Variants in SRBD1 observed in about 807,000 individuals in gnomAD.
SRBD1 encodes the protein S1 RNA-binding domain-containing protein 1.
Under a neutral mutation model 115.3 loss-of-function variants are expected in SRBD1, and 88 were observed. The ratio of observed to expected loss-of-function variants is 0.76; its 90% CI spans 0.64 to 0.91. The LOEUF is 0.91. SRBD1 is among the 40% of genes least tolerant of loss of function. The pLI is 0.00. For missense variants in SRBD1, 1,385 were observed against 1,177.4 expected, an observed-to-expected ratio of 1.18 and a Z score of -2.58; for synonymous variants, 509 against 407.7, an observed-to-expected ratio of 1.25 and a Z score of -2.99.
intron 2 of SRBD1, among the ~76,000 whole-genome samples, chr2:45,602,345 C>A (rs1674121841): frequency 6.6e-6 from 1 of 152,192 alleles, no homozygotes; most frequent in Non-Finnish European, 1.5e-5. Flanking sequence ...CAAACACATA[C>A]ACACATTCAT....
At chr2:45,435,137 C>T (rs1376957174) in intron 16 of SRBD1, among the ~76,000 whole-genome samples, 1 of 151,944 alleles carries the variant, frequency 6.6e-6, no homozygotes, top group Non-Finnish European at 1.5e-5. Flanking sequence ...TATTCCATGG[C>T]GTATATGTGC....
chr2:45,603,554 G>C (rs981189168), intron 2 of SRBD1, among the ~76,000 whole-genome samples: 1 of 152,118 alleles, frequency 6.6e-6, no homozygotes, highest in Non-Finnish European at 1.5e-5. Flanking sequence ...TTTAGAGACA[G>C]AGTCTCCCTC....
chr2:45,530,915 A>G (rs1671591110), intron 14 of SRBD1, among the ~76,000 whole-genome samples: 1 of 152,028 alleles, frequency 6.6e-6, no homozygotes, highest in Non-Finnish European at 1.5e-5. Flanking sequence ...AGCCTGGGCA[A>G]CACAGTGAGA....
At chr2:45,500,668 G>A (rs1307722427) in intron 14 of SRBD1, among the ~76,000 whole-genome samples, 2 of 152,000 alleles carry the variant, frequency 1.3e-5, no homozygotes, top group Non-Finnish European at 1.5e-5. Flanking sequence ...CGCCCGTTTC[G>A]GCCTCCCAAA....
chr2:45,443,122 T>C (rs1668720665), intron 16 of SRBD1, among the ~76,000 whole-genome samples: 1 of 152,078 alleles, frequency 6.6e-6, no homozygotes, highest in Non-Finnish European at 1.5e-5. Flanking sequence ...GGAACAGAGA[T>C]GGGATCTGAC....
chr2:45,478,888 T>C (rs983275893), intron 15 of SRBD1, among the ~76,000 whole-genome samples: 2 of 152,202 alleles, frequency 1.3e-5, no homozygotes, highest in African/African-American at 4.8e-5. Context: ...TTCTTCCAAG[T>C]TGGAAATTTG....
At chr2:45,474,574 G>A (rs1431300061) in intron 16 of SRBD1, among the ~76,000 whole-genome samples, 2 of 152,184 alleles carry the variant, frequency 1.3e-5, no homozygotes, top group Non-Finnish European at 2.9e-5. Context: ...TACAGGCCTA[G>A]CTTTGCTATA....
intron 18 of SRBD1, among the ~76,000 whole-genome samples, 173 bp from the exon 19 acceptor site, chr2:45,413,466 G>C (rs1487723141): frequency 1.3e-5 from 2 of 152,162 alleles, no homozygotes; most frequent in African/African-American, 4.8e-5. Flanking sequence ...ACTGGGAAAA[G>C]GGCTTTCTGT....
Position 45,574,639 on chromosome 2 carries a change from A to T in SRBD1, c.1157T>A (p.Phe386Tyr). Residue 386 changes from phenylalanine to tyrosine, a missense_variant, in exon 8 of 21, where the codon TTC (phenylalanine) becomes TAC (tyrosine). Physicochemically the swap from Phe to Tyr is conservative, Grantham distance 22 (BLOSUM62 3). Transcript: ENST00000263736. Reference protein sequence around the residue: ...MIAKDKDTLDFIRNLCQKRHV... With the variant: ...MIAKDKDTLDYIRNLCQKRHV... ...AAGAGATACTCACAAGTTCCGAATGAAGTCAAGCGTGTCTTTGTCTTTAGC... is the reference window on the plus strand; with the variant it reads ...AAGAGATACTCACAAGTTCCGAATGTAGTCAAGCGTGTCTTTGTCTTTAGC... The T allele has an allele frequency of 6.2e-7, 1 of 1,613,252 alleles. No homozygotes were observed. Among genetic ancestry groups the T allele is most frequent in the Admixed American group, 1.7e-5 (1 of 59,816 alleles).
intron 4 of SRBD1, 113 bp from the exon 5 acceptor site, chr2:45,585,887 G>A (rs1361905620): frequency 8.8e-6 from 7 of 799,920 alleles, no homozygotes; most frequent in Non-Finnish European, 1.1e-5. Flanking sequence ...GAAACTACTT[G>A]CTATAGTTTT....
intron 10 of SRBD1, among the ~76,000 whole-genome samples, chr2:45,556,209 G>A (rs17322715): frequency 0.36 from 55,297 of 151,906 alleles, 11,073 homozygotes; most frequent in Non-Finnish European, 0.46. Flanking sequence ...TGTAACATTT[G>A]CCTGAAGGAA....
In SRBD1 at chr2:45,454,831, A is replaced by G. The variant is rs571802561; in HGVS notation, c.2049+22162T>C. Among the ~76,000 whole-genome samples, 8 of 152,032 alleles carry G rather than the reference A, an allele frequency of 5.3e-5. No homozygotes were observed. In the South Asian group the frequency reaches 1.4e-3, roughly 28 times the overall value. ...ATAAATTTTTAAAAAGCACATTCAT[A>G]TTTCTATCACAAAATCTTGTTTCTA... On this transcript the variant is annotated intron_variant, in intron 16 of 20. Transcript: ENST00000263736.
chr2:45,571,449 CAG>C (rs1673006980), intron 9 of SRBD1, among the ~76,000 whole-genome samples: 1 of 130,152 alleles, frequency 7.7e-6, no homozygotes, highest in Non-Finnish European at 1.5e-5. Context: ...CAACAACAAA[CAG>C]GGGAGGGGAG....
At chr2:45,445,579 A>T (rs576620703) in intron 16 of SRBD1, among the ~76,000 whole-genome samples, 39 of 145,886 alleles carry the variant, frequency 2.7e-4, no homozygotes, top group Non-Finnish European at 5.1e-4. Context: ...AAAAAAAAAA[A>T]GTAGAAAAGG....
chr2:45,389,336 T>C lies in SRBD1; in HGVS notation c.2962A>G (p.Thr988Ala). 6.2e-7 allele frequency: 1 copy of C among 1,613,960 alleles called. No homozygotes were observed. Among genetic ancestry groups the C allele is most frequent in the Middle Eastern group, 1.6e-4 (1 of 6,062 alleles). The part of the protein sequence containing the change: ...LNIDIPRSRI[T>A]LDLIRVL ...CATAACACCCGAATGAGGTCCAGAG[T>C]AATCCTAGATCGGGGGATGTCAATG... Residue 988 changes from threonine to alanine, a missense_variant, in exon 21 of 21, where the codon ACT (threonine) becomes GCT (alanine). Thr to Ala is a moderately conservative substitution (Grantham distance 58). Transcript: ENST00000263736.
chr2:45,460,804 T>G (rs1664871604), intron 16 of SRBD1, among the ~76,000 whole-genome samples: 1 of 152,222 alleles, frequency 6.6e-6, no homozygotes, highest in Non-Finnish European at 1.5e-5. Flanking sequence ...TGAAGACATC[T>G]GAAAGTTTGA....
At chr2:45,412,890 T>C (rs1350166426) in intron 19 of SRBD1, among the ~76,000 whole-genome samples, 1 of 152,196 alleles carries the variant, frequency 6.6e-6, no homozygotes, top group Non-Finnish European at 1.5e-5. Context: ...CACTTCACCA[T>C]TAGTATCAGG....
intron 14 of SRBD1, among the ~76,000 whole-genome samples, chr2:45,497,236 C>G (rs541438039): frequency 6.6e-6 from 1 of 152,138 alleles, no homozygotes; most frequent in Non-Finnish European, 1.5e-5. Context: ...ATGTGGTACA[C>G]AAACATCACA....
intron 9 of SRBD1, among the ~76,000 whole-genome samples, chr2:45,567,610 GAA>G (rs1243302196): frequency 1.9e-5 from 2 of 105,306 alleles, no homozygotes; most frequent in African/African-American, 3.5e-5. Flanking sequence ...TACTGTCTAA[GAA>G]AAAAAAAAAA....
Sources: gnomAD v4.1 joint callset for allele counts (sites outside exome capture counted in the v4.1 genomes callset) on GRCh38, gnomAD v4.1.1 for gene constraint, MANE v1.5 for transcripts, NCBI Gene and HGNC (gene_info 2026-07-23, HGNC 2026-07-21) for gene names.